The following TNIK variants were observed in gnomAD, a reference collection of about 807,000 sequenced individuals.
TNIK encodes the protein TRAF2 and NCK interacting kinase.
Under a neutral mutation model 191.3 loss-of-function variants are expected in TNIK, and 49 were observed. The ratio of observed to expected loss-of-function variants is 0.26; its 90% CI spans 0.20 to 0.32. The LOEUF (loss-of-function observed/expected upper bound fraction) is 0.32, where lower values mean the gene tolerates loss of function less well. Among genes scored for constraint, TNIK ranks in the 10% least tolerant of loss-of-function variants. The probability of loss-of-function intolerance (pLI) is 1.00; values close to 1 mark genes in which losing one functional copy is unlikely to be tolerated. For synonymous variants in TNIK, 594 were observed against 600.9 expected (o/e 0.99, Z 0.17); for missense variants, 1,155 against 1,702.3 (o/e 0.68, Z 5.66).
chr3:171,073,152 C>T (rs1045673042), intron 28 of TNIK, among the ~76,000 whole-genome samples: 1 of 152,062 alleles, frequency 6.6e-6, no homozygotes, highest in Admixed American at 6.5e-5. Flanking sequence ...TCAAACTATA[C>T]TGTAAGACTG....
At chr3:171,290,858 TAGGA>T (rs796333999) in intron 2 of TNIK, among the ~76,000 whole-genome samples, 13 of 152,118 alleles carry the variant, frequency 8.5e-5, no homozygotes, top group African/African-American at 1.9e-4. Context: ...GCCAGATAAG[TAGGA>T]AGGAAGGAAG....
chr3:171,204,630 C>T lies in TNIK; in HGVS notation c.306+6486G>A, dbSNP rs1392055023. ...GATAAAACATTCCCAAAGCACCTAA[C>T]GCACTTTTCAAAATGTATTTCTTAG... On this transcript the variant is annotated intron_variant, in intron 4 of 32. Transcript: ENST00000436636. 7.2e-5 allele frequency among the ~76,000 whole-genome samples: 11 copies of T among 152,206 alleles called. 1 individual carries two copies. Among genetic ancestry groups the T allele is most frequent in the Admixed American group, 6.5e-5 (1 of 15,274 alleles).
At chr3:171,255,987 G>T (rs145862758) in intron 2 of TNIK, among the ~76,000 whole-genome samples, 2 of 152,128 alleles carry the variant, frequency 1.3e-5, no homozygotes, top group African/African-American at 4.8e-5. Flanking sequence ...CAGTTGTATA[G>T]AACCACAGAA....
At chr3:171,142,177 G>A (rs1219494886) in intron 12 of TNIK, among the ~76,000 whole-genome samples, 2 of 152,202 alleles carry the variant, frequency 1.3e-5, no homozygotes, top group African/African-American at 2.4e-5. Flanking sequence ...GATTGCAGGC[G>A]AAGGAGAGCT....
chr3:171,089,680 T>C (rs980421945), intron 23 of TNIK, among the ~76,000 whole-genome samples: 1 of 152,166 alleles, frequency 6.6e-6, no homozygotes, highest in Non-Finnish European at 1.5e-5. Context: ...ACTTTCTGTG[T>C]GCCAAGTACT....
At chr3:171,096,540 G>A (rs1056020112) in intron 22 of TNIK, among the ~76,000 whole-genome samples, 6 of 152,002 alleles carry the variant, frequency 3.9e-5, no homozygotes, top group African/African-American at 1.5e-4. Flanking sequence ...ACTTATAAAA[G>A]TTTCCTATGT....
chr3:171,373,933 C>T (rs1436239693), intron 1 of TNIK, among the ~76,000 whole-genome samples: 1 of 152,218 alleles, frequency 6.6e-6, no homozygotes, highest in Non-Finnish European at 1.5e-5. Flanking sequence ...ACCATTTTCA[C>T]ATAGTGCTAG....
At chr3:171,297,283 T>C (rs989530153) in intron 2 of TNIK, among the ~76,000 whole-genome samples, 14 of 152,194 alleles carry the variant, frequency 9.2e-5, no homozygotes, top group African/African-American at 2.7e-4. Context: ...ACAGATGCCA[T>C]GCCCATAGAG....
intron 2 of TNIK, among the ~76,000 whole-genome samples, chr3:171,333,892 G>A (rs1416076366): frequency 6.6e-6 from 1 of 152,198 alleles, no homozygotes; most frequent in Admixed American, 6.5e-5. Flanking sequence ...CTGCGTATTT[G>A]TCTTTTAATC....
At chr3:171,144,268 T>C (rs866061506) in intron 12 of TNIK, among the ~76,000 whole-genome samples, 52 of 152,326 alleles carry the variant, frequency 3.4e-4, no homozygotes, top group Middle Eastern at 3.4e-3. Flanking sequence ...AGATGATGGA[T>C]AGAACCTACT....
chr3:171,067,436 C>T (rs933262818), intron 30 of TNIK, among the ~76,000 whole-genome samples: 10 of 151,900 alleles, frequency 6.6e-5, no homozygotes, highest in East Asian at 5.8e-4. Context: ...TTTGGGAGGC[C>T]GAGGCGGGCG....
At chr3:171,271,511 C>A (rs1483890406) in intron 2 of TNIK, among the ~76,000 whole-genome samples, 1 of 152,226 alleles carries the variant, frequency 6.6e-6, no homozygotes, top group Non-Finnish European at 1.5e-5. Flanking sequence ...TTATGTCCAT[C>A]TGTTCAAATC....
At chr3:171,444,304 C>A (rs1199421845) in intron 1 of TNIK, among the ~76,000 whole-genome samples, 2 of 152,186 alleles carry the variant, frequency 1.3e-5, no homozygotes, top group Non-Finnish European at 1.5e-5. Context: ...AGGAAATCTT[C>A]AACCTGCTGT....
Position 171,069,011 on chromosome 3 carries a change from C to T in TNIK, c.3550-14G>A, listed in dbSNP as rs529778354. The T allele has an allele frequency of 2.5e-6, 4 of 1,605,742 alleles. No homozygotes were observed. Among genetic ancestry groups the T allele is most frequent in the Non-Finnish European group, 3.4e-6 (4 of 1,176,000 alleles). ...ATCTGCAAAAGACTTTAAAAATCAC[C>T]CCATTAGTATCCGCATCACTCAAAG... is the stretch of plus-strand genomic sequence containing the variant. On this transcript the variant is annotated splice_polypyrimidine_tract_variant and intron_variant, in intron 29 of 32. Coordinates refer to ENST00000436636, the MANE Select transcript of TNIK (RefSeq NM_015028.4).
chr3:171,360,007 C>T (rs1429854518), intron 2 of TNIK, among the ~76,000 whole-genome samples: 2 of 152,130 alleles, frequency 1.3e-5, no homozygotes, highest in African/African-American at 4.8e-5. Flanking sequence ...GGTTGTGCAT[C>T]AAGTTATTTG....
chr3:171,292,478 C>A (rs1275730477), intron 2 of TNIK, among the ~76,000 whole-genome samples: 2 of 152,152 alleles, frequency 1.3e-5, no homozygotes, highest in Non-Finnish European at 1.5e-5. Context: ...TTGATTTTGT[C>A]CAACACATGT....
At chr3:171,255,955 C>G (rs1011653268) in intron 2 of TNIK, among the ~76,000 whole-genome samples, 4 of 152,024 alleles carry the variant, frequency 2.6e-5, no homozygotes, top group Admixed American at 6.6e-5. Flanking sequence ...GTCTAGTTCT[C>G]CAGGAGGAAC....
chr3:171,076,235 G>T (rs1719915858), intron 28 of TNIK, among the ~76,000 whole-genome samples: 1 of 152,084 alleles, frequency 6.6e-6, no homozygotes, highest in Admixed American at 6.5e-5. Flanking sequence ...TTGTGTCAAG[G>T]TTATCTGGGA....
intron 1 of TNIK, among the ~76,000 whole-genome samples, chr3:171,415,364 G>A (rs1223551053): frequency 6.6e-6 from 1 of 152,090 alleles, no homozygotes; most frequent in Non-Finnish European, 1.5e-5. Context: ...GGAGGGCAGG[G>A]CTTTGTATTG....
Sources: gnomAD v4.1 joint callset for allele counts (sites outside exome capture counted in the v4.1 genomes callset) on GRCh38, gnomAD v4.1.1 for gene constraint, MANE v1.5 for transcripts, NCBI Gene and HGNC (gene_info 2026-07-23, HGNC 2026-07-21) for gene names.